The following PDE11A variants were observed in gnomAD, a reference collection of about 807,000 sequenced individuals.
PDE11A encodes the protein phosphodiesterase 11A.
In PDE11A, 100 loss-of-function variants were observed where a neutral mutation model predicts 100.5. That is an observed-to-expected ratio of 1.00 (90% CI 0.85 to 1.18). The LOEUF (loss-of-function observed/expected upper bound fraction) is 1.18. Among genes scored for constraint, PDE11A ranks in the 50% most tolerant of loss-of-function variants. The pLI is 0.00. For missense variants in PDE11A, 1,141 were observed against 1,152.6 expected, an observed-to-expected ratio of 0.99 and a Z score of 0.15; for synonymous variants, 381 against 420.8, an observed-to-expected ratio of 0.91 and a Z score of 1.16.
At position 178,049,432 on chromosome 2, in the gene PDE11A, A is replaced by T. The variant is rs112159746; in HGVS notation, c.912+22094T>A. Among the ~76,000 whole-genome samples, 629 of 152,318 alleles carry T rather than the reference A, an allele frequency of 4.1e-3. 8 individuals are homozygous for T. Among genetic ancestry groups the T allele is most frequent in the African/African-American group, 0.014 (587 of 41,558 alleles). ...GCAGCTCCCAGCATGAGTGACGCAG[A>T]GGACAGGTGATTTCTGCATTTCCAA... On this transcript the variant is annotated intron_variant, in intron 1 of 19. Transcript: ENST00000286063.
At chr2:177,716,574 T>C (rs1305238795) in intron 12 of PDE11A, among the ~76,000 whole-genome samples, 1 of 152,160 alleles carries the variant, frequency 6.6e-6, no homozygotes, top group Non-Finnish European at 1.5e-5. Flanking sequence ...ATGTATTTTG[T>C]TGTCATCTCT....
intron 2 of PDE11A, among the ~76,000 whole-genome samples, chr2:177,983,160 A>G (rs1026083810): frequency 2.0e-5 from 3 of 151,274 alleles, no homozygotes; most frequent in Non-Finnish European, 4.4e-5. Flanking sequence ...TAAGTAATTT[A>G]GAGATTTATT....
chr2:177,990,921 G>A (rs957138260), intron 2 of PDE11A, among the ~76,000 whole-genome samples: 2 of 150,930 alleles, frequency 1.3e-5, no homozygotes, highest in African/African-American at 4.9e-5. Context: ...TTGAACCCAG[G>A]AGGTAGAGGT....
intron 8 of PDE11A, 101 bp downstream of exon 8, chr2:177,817,757 T>C: frequency 1.4e-6 from 1 of 693,552 alleles, no homozygotes; most frequent in East Asian, 2.8e-5. Context: ...CATTTAAGTA[T>C]AATAATAATT....
chr2:177,649,242 C>G (rs992619284), intron 19 of PDE11A, among the ~76,000 whole-genome samples: 1 of 151,968 alleles, frequency 6.6e-6, no homozygotes, highest in African/African-American at 2.4e-5. Context: ...GCTTATATGC[C>G]AAATGCCCAG....
chr2:177,802,332 C>A (rs1360774732), intron 9 of PDE11A, among the ~76,000 whole-genome samples: 1 of 151,950 alleles, frequency 6.6e-6, no homozygotes, highest in Admixed American at 6.6e-5. Flanking sequence ...CACATACTGA[C>A]CTTTTGACCA....
chr2:178,044,242 T>A (rs187439252), intron 1 of PDE11A, among the ~76,000 whole-genome samples: 1 of 151,960 alleles, frequency 6.6e-6, no homozygotes, highest in African/African-American at 2.4e-5. Context: ...GCAAATGTCT[T>A]TCAAATATTT....
At chr2:178,087,062 C>T (rs2087366509) in intron 2 of PDE11A, among the ~76,000 whole-genome samples, 5 of 152,120 alleles carry the variant, frequency 3.3e-5, no homozygotes, top group South Asian at 2.1e-4. Flanking sequence ...GTCAGCTGGG[C>T]GCTGTGGCTC....
intron 4 of PDE11A, among the ~76,000 whole-genome samples, chr2:177,896,450 T>A (rs1340217090): frequency 6.6e-6 from 1 of 152,220 alleles, no homozygotes; most frequent in Non-Finnish European, 1.5e-5. Context: ...TTTGCCTGTG[T>A]CCAGATTCCA....
intron 10 of PDE11A, among the ~76,000 whole-genome samples, chr2:177,750,936 T>C (rs1330806899): frequency 6.6e-6 from 1 of 152,164 alleles, no homozygotes; most frequent in Non-Finnish European, 1.5e-5. Context: ...TTAAAAAGTA[T>C]ATCAATTCTG....
intron 2 of PDE11A, among the ~76,000 whole-genome samples, chr2:177,989,326 A>G (rs1386904692): frequency 6.6e-6 from 1 of 152,242 alleles, no homozygotes; most frequent in Non-Finnish European, 1.5e-5. Context: ...TAGTAGTCAT[A>G]GCACAGTATG....
At chr2:177,823,877 CT>C (rs371998905) in intron 6 of PDE11A, among the ~76,000 whole-genome samples, 24 of 152,302 alleles carry the variant, frequency 1.6e-4, no homozygotes, top group African/African-American at 5.8e-4. Flanking sequence ...ACAATTGTCT[CT>C]GCCAACTCTG....
intron 4 of PDE11A, among the ~76,000 whole-genome samples, chr2:177,877,949 G>A (rs2084267970): frequency 6.6e-6 from 1 of 152,050 alleles, no homozygotes; most frequent in South Asian, 2.1e-4. Flanking sequence ...CACTTACAAG[G>A]AATTGATGAG....
intron 2 of PDE11A, among the ~76,000 whole-genome samples, chr2:178,013,051 GT>G (rs1466175374): frequency 6.6e-6 from 1 of 152,116 alleles, no homozygotes; most frequent in African/African-American, 2.4e-5. Flanking sequence ...CTTCTCATCT[GT>G]TTCTGTCTGA....
chr2:177,817,500 G>A (rs188866038), intron 8 of PDE11A, among the ~76,000 whole-genome samples: 116 of 152,304 alleles, frequency 7.6e-4, no homozygotes, highest in Non-Finnish European at 1.2e-3. Context: ...GCACGGAAGC[G>A]TGTAAACAAG....
intron 2 of PDE11A, among the ~76,000 whole-genome samples, chr2:178,005,906 A>G (rs2086204346): frequency 1.3e-5 from 2 of 152,236 alleles, no homozygotes. Context: ...GGATGTTGCA[A>G]CTAAGCATTT....
chr2:177,921,825 T>C (rs553658565), intron 2 of PDE11A: 1 of 152,280 alleles, frequency 6.6e-6, no homozygotes, highest in South Asian at 2.1e-4. Flanking sequence ...TAGCAACAAC[T>C]TTCCACAAAA....
In PDE11A at chr2:177,749,680, A is replaced by C. The variant is rs147761464; in HGVS notation, c.1788+19643T>G. Among the ~76,000 whole-genome samples, 336 of 152,338 alleles carry C rather than the reference A, an allele frequency of 2.2e-3. 1 individual carries two copies. Among genetic ancestry groups the C allele is most frequent in the Non-Finnish European group, 3.7e-3 (254 of 68,040 alleles). On this transcript the variant is annotated intron_variant, in intron 10 of 19. Coordinates refer to ENST00000286063, the MANE Select transcript of PDE11A (RefSeq NM_016953.4). The stretch of plus-strand genomic sequence containing the variant: ...ATTAAGATAACACATGTAATCTGGC[A>C]TATAGTAAGTGCTCAACTAATGATA...
intron 1 of PDE11A, among the ~76,000 whole-genome samples, chr2:178,048,697 T>C (rs2086784455): frequency 6.6e-6 from 1 of 152,198 alleles, no homozygotes; most frequent in African/African-American, 2.4e-5. Flanking sequence ...GCATCCAGCA[T>C]TTTCTGTGCT....
Sources: allele counts gnomAD v4.1 joint callset (sites outside exome capture counted in the v4.1 genomes callset), GRCh38; gene constraint gnomAD v4.1.1; transcripts MANE v1.5; gene names NCBI Gene and HGNC (gene_info 2026-07-23, HGNC 2026-07-21).